Variants in HUWE1 observed in about 807,000 individuals in gnomAD.
HUWE1 encodes the protein E3 ubiquitin-protein ligase HUWE1.
Under a neutral mutation model 299.4 loss-of-function variants are expected in HUWE1, and 18 were observed. That is an observed-to-expected ratio of 0.06 (90% CI 0.04 to 0.09). The LOEUF (loss-of-function observed/expected upper bound fraction) is 0.09, where lower values mean the gene tolerates loss of function less well. HUWE1 is among the 10% of genes least tolerant of loss of function. The pLI, the probability that HUWE1 is intolerant of heterozygous loss-of-function variation, is 1.00. For missense variants in HUWE1, 1,832 were observed against 3,462.3 expected, an observed-to-expected ratio of 0.53 and a Z score of 11.82; for synonymous variants, 1,317 against 1,286.1, an observed-to-expected ratio of 1.02 and a Z score of -0.51.
At chrX:53,644,334 T>C (rs1411162286) in intron 7 of HUWE1, among the ~76,000 whole-genome samples, 1 of 112,230 alleles carries the variant, frequency 8.9e-6, no homozygotes, top group Non-Finnish European at 1.9e-5. Context: ...ATGAGATAAA[T>C]TTTATCGAGT....
intron 9 of HUWE1, chrX:53,631,888 C>A: frequency 2.7e-6 from 1 of 377,011 alleles, no homozygotes; most frequent in Non-Finnish European, 4.6e-6. Context: ...CCTTTTTTAA[C>A]CCTCCACTGA....
chrX:53,657,368 G>A (rs782331668), intron 3 of HUWE1, among the ~76,000 whole-genome samples: 14 of 111,711 alleles, frequency 1.3e-4, no homozygotes, highest in Non-Finnish European at 2.6e-4. Context: ...GAGGTAAGGA[G>A]TTCAAGACCA....
chrX:53,535,672 G>A (rs2061009197), intron 80 of HUWE1, among the ~76,000 whole-genome samples, 171 bp from the exon 81 acceptor site: 1 of 111,830 alleles, frequency 8.9e-6, no homozygotes, highest in Admixed American at 9.5e-5. Flanking sequence ...CCCTTATAGG[G>A]AAAGGCTTTG....
chrX:53,534,281 C>G (rs1298605318), intron 82 of HUWE1, 84 bp from the exon 83 acceptor site: 3 of 883,646 alleles, frequency 3.4e-6, no homozygotes, highest in African/African-American at 3.9e-5. Context: ...GGAAACAGGA[C>G]TGGACTTGGT....
intron 60 of HUWE1, chrX:53,556,378 G>A (rs1191167145): frequency 1.2e-5 from 4 of 338,188 alleles, no homozygotes; most frequent in Non-Finnish European, 2.4e-5. Context: ...ATTTTACATG[G>A]TGACAGACTC....
chrX:53,588,437 A>G lies in HUWE1; in HGVS notation c.4559T>C (p.Leu1520Pro), dbSNP rs1556975316. 1 of 1,210,105 alleles carries G rather than the reference A, an allele frequency of 8.3e-7. No individual in the cohort carries two copies. The highest frequency in any genetic ancestry group is 2.2e-5 in the Admixed American group (1 of 45,978). Reference sequence around the variant, plus strand: ...AGTAGCCAAATTGGAGGCCTGGGGCAGTGTGGCCATCTGACTTATCCACTC... The same window carrying G: ...AGTAGCCAAATTGGAGGCCTGGGGCGGTGTGGCCATCTGACTTATCCACTC... ...VSEWISQMAT[L>P]PQASNLATRI... The change falls in exon 37 of 84, where the codon CTG becomes CCG. Residue 1520 changes from leucine (L) to proline (P), a missense_variant. By Grantham distance (98) the Leu-to-Pro change is moderately conservative. Coordinates refer to ENST00000262854, the MANE Select transcript of HUWE1 (RefSeq NM_031407.7).
intron 43 of HUWE1, among the ~76,000 whole-genome samples, chrX:53,577,720 T>C (rs1216576821): frequency 7.0e-5 from 8 of 114,515 alleles, no homozygotes; most frequent in Non-Finnish European, 1.3e-4. Context: ...GACGGGGTTT[T>C]GCTGTGTTGG....
At chrX:53,677,991 T>G (rs782506547) in intron 3 of HUWE1, among the ~76,000 whole-genome samples, 1 of 112,085 alleles carries the variant, frequency 8.9e-6, no homozygotes, top group Non-Finnish European at 1.9e-5. Context: ...ACCATCAGAA[T>G]CTCAGAGTTG....
At chrX:53,686,088 G>A (rs782767598) in intron 2 of HUWE1, among the ~76,000 whole-genome samples, 182 bp downstream of exon 2, 4 of 112,556 alleles carry the variant, frequency 3.6e-5, no homozygotes, top group Non-Finnish European at 7.5e-5. Context: ...GTGTGTGTGT[G>A]TAGTACCATT....
At chrX:53,625,333 A>G in intron 17 of HUWE1, 75 bp from the exon 18 acceptor site, 1 of 636,761 alleles carries the variant, frequency 1.6e-6, no homozygotes, top group East Asian at 3.2e-5. Context: ...ATAAAACAAA[A>G]TTTTAAGAGA....
At chrX:53,569,007 G>A in intron 48 of HUWE1, 133 bp from the exon 49 acceptor site, 3 of 526,582 alleles carry the variant, frequency 5.7e-6, no homozygotes, top group Non-Finnish European at 9.7e-6. Context: ...AAACAAACAG[G>A]TGAGAACACA....
At chrX:53,571,463 T>A (rs781854635) in intron 47 of HUWE1, among the ~76,000 whole-genome samples, 1 of 110,811 alleles carries the variant, frequency 9.0e-6, no homozygotes, top group Non-Finnish European at 1.9e-5. Flanking sequence ...TAGCTGGGCG[T>A]GGTAGCATGT....
intron 2 of HUWE1, among the ~76,000 whole-genome samples, chrX:53,681,358 C>G (rs1557053248): frequency 9.3e-6 from 1 of 107,087 alleles, no homozygotes; most frequent in Non-Finnish European, 1.9e-5. Flanking sequence ...CGCTTGAACC[C>G]AGGAGGCGGA....
chrX:53,622,623 A>T (rs1050742664), intron 19 of HUWE1, among the ~76,000 whole-genome samples: 1 of 111,189 alleles, frequency 9.0e-6, no homozygotes, highest in East Asian at 2.8e-4. Context: ...AGAAGCCCTC[A>T]ATGAGGGACA....
intron 3 of HUWE1, among the ~76,000 whole-genome samples, chrX:53,662,919 C>A (rs1489725038): frequency 9.0e-6 from 1 of 111,120 alleles, no homozygotes; most frequent in Non-Finnish European, 1.9e-5. Flanking sequence ...GAAACCCCAT[C>A]TCTACCAAAA....
At chrX:53,565,344 G>A in intron 49 of HUWE1, 105 bp from the exon 50 acceptor site, 1 of 768,887 alleles carries the variant, frequency 1.3e-6, no homozygotes, top group East Asian at 3.5e-5. Flanking sequence ...AAGAGAAAAG[G>A]GGCATAAGGT....
At position 53,664,756 on chromosome X, in the gene HUWE1, ATTC is replaced by A. The variant is rs1404697636; in HGVS notation, c.-24-10628_-24-10626del. 3.6e-5 allele frequency among the ~76,000 whole-genome samples: 4 copies of A among 111,599 alleles called. No individual in the cohort carries two copies. The South Asian group carries it at 1.5e-3, about 42-fold the overall frequency. ...AATTCAGGTGAGAGCTGCCCTGAGCATTCTTCATGTCAACAAGCAGTAAGATGC... is the reference window on the plus strand; with the variant it reads ...AATTCAGGTGAGAGCTGCCCTGAGCATTCATGTCAACAAGCAGTAAGATGC... On this transcript the variant is annotated intron_variant, in intron 3 of 83. Coordinates refer to ENST00000262854, the MANE Select transcript of HUWE1 (RefSeq NM_031407.7).
At chrX:53,653,883 C>T (rs1382408753) in intron 4 of HUWE1, among the ~76,000 whole-genome samples, 180 bp downstream of exon 4, 1 of 111,933 alleles carries the variant, frequency 8.9e-6, no homozygotes. Context: ...TCTTGGCTAT[C>T]CATTTTTTTG....
At position 53,568,779 on chromosome X, in the gene HUWE1, T is replaced by C. The variant is rs1556947967; in HGVS notation, c.6620A>G (p.Asn2207Ser). ...AAGCCGAATGATGTTGTTCATGCCA[T>C]TGTGCTGGGTCTTCGCTGTGGCACT... ...YSSATAKTQH[N>S]GMNNIIRLFL... is the part of the protein sequence containing the mutation. The change falls in exon 49 of 84, where the codon AAT becomes AGT. Residue 2207 changes from asparagine (N) to serine (S), a missense_variant. Coordinates refer to ENST00000262854, the MANE Select transcript of HUWE1 (RefSeq NM_031407.7). The C allele has an allele frequency of 8.3e-7, 1 of 1,210,235 alleles. No individual in the cohort carries two copies. Among genetic ancestry groups the C allele is most frequent in the Admixed American group, 2.2e-5 (1 of 46,013 alleles).
Sources: allele counts gnomAD v4.1 joint callset (sites outside exome capture counted in the v4.1 genomes callset), GRCh38; gene constraint gnomAD v4.1.1; transcripts MANE v1.5; gene names NCBI Gene and HGNC (gene_info 2026-07-23, HGNC 2026-07-21).